Variants in THSD7B observed in about 807,000 individuals in gnomAD.
THSD7B encodes thrombospondin type 1 domain containing 7B.
THSD7B carries 138 observed loss-of-function variants against 213.6 expected under a neutral mutation model. The observed-to-expected ratio is 0.65, with a 90% CI of 0.56 to 0.74. The LOEUF (loss-of-function observed/expected upper bound fraction) is 0.74, where lower values mean the gene tolerates loss of function less well. Among genes scored for constraint, THSD7B ranks in the 30% least tolerant of loss-of-function variants. The pLI, the probability that THSD7B is intolerant of heterozygous loss-of-function variation, is 0.00. For missense variants in THSD7B, 1,931 were observed against 1,991.5 expected (o/e 0.97, Z 0.58); for synonymous variants, 742 against 687.0 (o/e 1.08, Z -1.25).
intron 10 of THSD7B, among the ~76,000 whole-genome samples, chr2:137,264,108 A>G (rs1443541164): frequency 6.6e-6 from 1 of 152,160 alleles, no homozygotes; most frequent in Non-Finnish European, 1.5e-5. Flanking sequence ...CCTCACAAAT[A>G]TTTATTAATG....
intron 12 of THSD7B, among the ~76,000 whole-genome samples, chr2:137,380,801 C>T (rs765788827): frequency 6.6e-6 from 1 of 152,240 alleles, no homozygotes; most frequent in African/African-American, 2.4e-5. Flanking sequence ...CGCAGGCATA[C>T]AACTCCACAC....
intron 18 of THSD7B, among the ~76,000 whole-genome samples, chr2:137,617,040 A>T (rs995169887): frequency 6.6e-6 from 1 of 152,020 alleles, no homozygotes; most frequent in African/African-American, 2.4e-5. Flanking sequence ...AGAAAAAAAA[A>T]AATCCTCACC....
At chr2:137,110,628 T>G (rs1454657502) in intron 4 of THSD7B, among the ~76,000 whole-genome samples, 1 of 152,230 alleles carries the variant, frequency 6.6e-6, no homozygotes, top group Non-Finnish European at 1.5e-5. Context: ...AATTTGATTT[T>G]GGGGCCTTGA....
chr2:136,836,349 T>G (rs1179044396), intron 1 of THSD7B, among the ~76,000 whole-genome samples: 1 of 152,174 alleles, frequency 6.6e-6, no homozygotes, highest in African/African-American at 2.4e-5. Context: ...TTTCCATACT[T>G]GAGAAGAGAG....
intron 15 of THSD7B, among the ~76,000 whole-genome samples, chr2:137,487,596 A>T (rs1017996550): frequency 2.0e-5 from 3 of 151,698 alleles, no homozygotes; most frequent in African/African-American, 7.3e-5. Context: ...AGAGAGAAGA[A>T]TCAAATAGAT....
chr2:137,468,782 C>T (rs1688040770), intron 15 of THSD7B, among the ~76,000 whole-genome samples: 1 of 151,868 alleles, frequency 6.6e-6, no homozygotes, highest in Middle Eastern at 3.4e-3. Flanking sequence ...TATGAACTTC[C>T]CTATGGATTC....
At chr2:137,020,051 C>T (rs1364520464) in intron 2 of THSD7B, among the ~76,000 whole-genome samples, 1 of 152,134 alleles carries the variant, frequency 6.6e-6, no homozygotes, top group East Asian at 1.9e-4. Context: ...CGAAACATAT[C>T]CTTGCCCAGT....
chr2:137,460,112 T>G (rs1687855825), intron 15 of THSD7B, among the ~76,000 whole-genome samples: 1 of 152,094 alleles, frequency 6.6e-6, no homozygotes, highest in Admixed American at 6.6e-5. Flanking sequence ...TGAGTACCCT[T>G]CCATTTTACA....
chr2:137,276,570 T>C (rs1423286746), intron 12 of THSD7B, among the ~76,000 whole-genome samples: 2 of 152,026 alleles, frequency 1.3e-5, no homozygotes, highest in East Asian at 3.9e-4. Context: ...TGGACCTGAG[T>C]AGAACTGCTT....
intron 7 of THSD7B, among the ~76,000 whole-genome samples, chr2:137,199,126 T>C (rs541001914): frequency 2.5e-4 from 38 of 152,318 alleles, no homozygotes; most frequent in Admixed American, 1.1e-3. Flanking sequence ...TCTCCCATTC[T>C]ACAAGCGAGT....
At chr2:137,451,396 A>G (rs1306288502) in intron 15 of THSD7B, among the ~76,000 whole-genome samples, 1 of 151,816 alleles carries the variant, frequency 6.6e-6, no homozygotes, top group Admixed American at 6.6e-5. Context: ...GGAGAGTATC[A>G]CTTATGTCAT....
At chr2:137,150,720 A>T (rs1400795576) in intron 5 of THSD7B, among the ~76,000 whole-genome samples, 1 of 152,086 alleles carries the variant, frequency 6.6e-6, no homozygotes, top group Non-Finnish European at 1.5e-5. Flanking sequence ...CTTCTAAGAG[A>T]TGCTTTGTTA....
intron 12 of THSD7B, among the ~76,000 whole-genome samples, chr2:137,296,531 A>G (rs1683467399): frequency 6.6e-6 from 1 of 152,134 alleles, no homozygotes; most frequent in South Asian, 2.1e-4. Flanking sequence ...AATGAGAACA[A>G]TGTACTTACC....
chr2:136,951,668 G>T (rs1685040763), intron 2 of THSD7B, among the ~76,000 whole-genome samples: 1 of 152,138 alleles, frequency 6.6e-6, no homozygotes, highest in Non-Finnish European at 1.5e-5. Flanking sequence ...GTATTCTGTG[G>T]GGGAAGATGG....
chr2:137,415,779 G>A (rs984128845), intron 14 of THSD7B, among the ~76,000 whole-genome samples: 1 of 148,140 alleles, frequency 6.8e-6, no homozygotes, highest in Admixed American at 6.9e-5. Context: ...TTTCATTCAG[G>A]TCTCTGCTGA....
chr2:137,626,733 G>C (rs997326406), intron 20 of THSD7B, among the ~76,000 whole-genome samples: 31 of 152,156 alleles, frequency 2.0e-4, no homozygotes, highest in Non-Finnish European at 2.8e-4. Context: ...CCTGAGCTTT[G>C]CTGCTTAGAA....
At chr2:137,477,873 G>A (rs758132531) in intron 15 of THSD7B, among the ~76,000 whole-genome samples, 3 of 148,660 alleles carry the variant, frequency 2.0e-5, no homozygotes, top group Non-Finnish European at 4.5e-5. Flanking sequence ...TTGACTGATA[G>A]TTTTTTTTTT....
At chr2:136,980,610 T>C (rs1685558914) in intron 2 of THSD7B, among the ~76,000 whole-genome samples, 1 of 152,102 alleles carries the variant, frequency 6.6e-6, no homozygotes, top group African/African-American at 2.4e-5. Flanking sequence ...CAGGGGAAAA[T>C]GGCTGAAATT....
At chr2:136,845,687 G>T (rs1237945957) in intron 1 of THSD7B, among the ~76,000 whole-genome samples, 1 of 152,166 alleles carries the variant, frequency 6.6e-6, no homozygotes, top group East Asian at 1.9e-4. Context: ...GGAATGTTGT[G>T]CTAACCTATT....
Sources: allele counts gnomAD v4.1 joint callset (sites outside exome capture counted in the v4.1 genomes callset), GRCh38; gene constraint gnomAD v4.1.1; transcripts MANE v1.5; gene names NCBI Gene and HGNC (gene_info 2026-07-23, HGNC 2026-07-21).